Variants in PRKDC observed in about 807,000 individuals in gnomAD.
PRKDC encodes protein kinase, DNA-activated, catalytic subunit.
PRKDC carries 82 observed loss-of-function variants against 486.9 expected under a neutral mutation model. The ratio of observed to expected loss-of-function variants is 0.17; its 90% confidence interval spans 0.14 to 0.20. The LOEUF (loss-of-function observed/expected upper bound fraction) is 0.20. Ranked by LOEUF, PRKDC falls within the 10% of genes least tolerant of loss-of-function variation. The pLI, the probability that PRKDC is intolerant of heterozygous loss-of-function variation, is 1.00. For missense variants in PRKDC, 4,504 were observed against 5,038.2 expected, an observed-to-expected ratio of 0.89 and a Z score of 3.21; for synonymous variants, 1,895 against 1,837.0, an observed-to-expected ratio of 1.03 and a Z score of -0.81.
chr8:47,828,318 A>T lies in PRKDC; in HGVS notation c.8427T>A (p.Phe2809Leu). Reference sequence around the variant, plus strand: ...TCAAAATTCCAGAAAACAAGCTGCTAAAGAGCTGTTTTGCAATTATTGGGT... The same window carrying T: ...TCAAAATTCCAGAAAACAAGCTGCTTAAGAGCTGTTTTGCAATTATTGGGT... ...QRDPIIAKQL[F>L]SSLFSGILKE... The change falls in exon 62 of 86, where the codon TTT (phenylalanine) becomes TTA (leucine). Residue 2809 changes from phenylalanine to leucine, a missense_variant. By Grantham distance (22) the Phe-to-Leu change is conservative. Around this residue, in one of 6 missense-constraint regions of PRKDC, gnomAD observed 1,592 missense variants for 1,724.6 expected, o/e 0.92. Transcript: ENST00000314191. The T allele has an allele frequency of 6.3e-7, 1 of 1,594,496 alleles. No individual in the cohort carries two copies. The highest frequency in any genetic ancestry group is 8.5e-7 in the Non-Finnish European group (1 of 1,170,508).
At chr8:47,892,171 T>C (rs578145036) in intron 31 of PRKDC, among the ~76,000 whole-genome samples, 4 of 152,054 alleles carry the variant, frequency 2.6e-5, no homozygotes, top group African/African-American at 7.2e-5. Flanking sequence ...CGTCCGGCCA[T>C]GAACAAGTTT....
intron 65 of PRKDC, 128 bp downstream of exon 65, chr8:47,821,476 C>T: frequency 3.6e-6 from 3 of 841,514 alleles, no homozygotes; most frequent in Non-Finnish European, 3.8e-6. Context: ...TGTAGGTGGA[C>T]TCAGGTCATG....
At chr8:47,874,359 T>C (rs2089040296) in intron 40 of PRKDC, among the ~76,000 whole-genome samples, 1 of 152,204 alleles carries the variant, frequency 6.6e-6, no homozygotes, top group South Asian at 2.1e-4. Context: ...TTACACATTA[T>C]ACACCTGTAT....
At chr8:47,913,308 T>C (rs1246564523) in intron 24 of PRKDC, among the ~76,000 whole-genome samples, 1 of 152,206 alleles carries the variant, frequency 6.6e-6, no homozygotes, top group Admixed American at 6.5e-5. Flanking sequence ...GTTAAGGGGA[T>C]AACCAAGCAT....
Position 47,806,305 on chromosome 8 carries a change from A to G in PRKDC, c.9747+832T>C, listed in dbSNP as rs1226552317. Reference sequence around the variant, plus strand: ...CCTAACTACACTGGGTCCTCTCCCCATGACCCCAACTCCCTCACCACTAAG... The same window carrying G: ...CCTAACTACACTGGGTCCTCTCCCCGTGACCCCAACTCCCTCACCACTAAG... On this transcript the variant is annotated intron_variant, in intron 69 of 85. Transcript: ENST00000314191. Among the ~76,000 whole-genome samples the G allele has an allele frequency of 4.0e-4, 61 of 152,166 alleles. 1 individual carries two copies.
intron 84 of PRKDC, 96 bp downstream of exon 84, chr8:47,777,590 C>T (rs2154497297): frequency 3.3e-6 from 4 of 1,205,438 alleles, no homozygotes; most frequent in Admixed American, 2.4e-5. Flanking sequence ...TTTTCATCAA[C>T]ATGACTCAAT....
intron 31 of PRKDC, 29 bp downstream of exon 31, chr8:47,893,110 C>G: frequency 6.5e-7 from 1 of 1,543,398 alleles, no homozygotes; most frequent in Non-Finnish European, 8.8e-7. Flanking sequence ...CAGCACGACA[C>G]ACACCAGAAT....
In PRKDC at chr8:47,927,175, C is replaced by A; in HGVS notation, c.2419+19G>T. 5.0e-6 allele frequency: 8 copies of A among 1,608,674 alleles called. No individual in the cohort carries two copies. The highest frequency in any genetic ancestry group is 6.8e-6 in the Non-Finnish European group (8 of 1,175,788). ...TCCATTTTAATTACAATACACATCA[C>A]AATTCTTCTAAACATTACCTGACAA... On this transcript the variant is annotated intron_variant, in intron 21 of 85. Coordinates refer to ENST00000314191, the MANE Select transcript of PRKDC (RefSeq NM_006904.7).
chr8:47,797,539 C>G (rs1237210398), intron 73 of PRKDC, among the ~76,000 whole-genome samples: 2 of 152,158 alleles, frequency 1.3e-5, no homozygotes, highest in Non-Finnish European at 2.9e-5. Context: ...ACCATGTAAC[C>G]CTTTTTGAAC....
intron 68 of PRKDC, among the ~76,000 whole-genome samples, chr8:47,809,503 G>C (rs1174160601): frequency 6.6e-6 from 1 of 152,242 alleles, no homozygotes; most frequent in East Asian, 1.9e-4. Context: ...GAATGAGACA[G>C]ACTTCCTTGG....
chr8:47,913,964 G>C lies in PRKDC; in HGVS notation c.2718C>G (p.Phe906Leu). The C allele has an allele frequency of 6.2e-7, 1 of 1,612,202 alleles. No homozygotes were observed. Among genetic ancestry groups the C allele is most frequent in the Middle Eastern group, 1.7e-4 (1 of 6,060 alleles). ...VPFREMKPVI[F>L]LDVFLPRVTE... is the part of the protein sequence containing the mutation. The stretch of plus-strand genomic sequence containing the variant: ...TGACTCGAGGCAGGAACACATCCAG[G>C]AAAATGACAGGTTTCATCTCTCTAA... The change falls in exon 24 of 86, where the codon TTC becomes TTG. Residue 906 changes from phenylalanine to leucine, a missense_variant. Phe to Leu is a conservative substitution (Grantham distance 22, BLOSUM62 0). Transcript: ENST00000314191.
Position 47,889,242 on chromosome 8 carries a change from A to G in PRKDC, c.4072-20T>C. 1 of 1,570,638 alleles carries G rather than the reference A, an allele frequency of 6.4e-7. No homozygotes were observed. The highest frequency in any genetic ancestry group is 8.6e-7 in the Non-Finnish European group (1 of 1,156,260). On this transcript the variant is annotated intron_variant, in intron 32 of 85. Coordinates refer to ENST00000314191, the MANE Select transcript of PRKDC (RefSeq NM_006904.7). ...CAGGAGCTGTAACAGATTGTTTGAT[A>G]AAAACACTTCGTCAGCCAGCACTTC...
chr8:47,789,216 C>T lies in PRKDC; in HGVS notation c.10693G>A (p.Gly3565Arg), dbSNP rs2086843507. The change falls in exon 75 of 86, where the codon GGA becomes AGA. Residue 3565 changes from glycine (G) to arginine (R), a missense_variant. This residue lies in a region of PRKDC where 706 missense variants were observed against 945.0 expected (regional missense o/e 0.75). Transcript: ENST00000314191. Reference sequence around the variant, plus strand: ...TTAATAAAATCTTGAATCACTCCTCCTTGATCCAACTTACTTTTAATCCTA... The same window carrying T: ...TTAATAAAATCTTGAATCACTCCTCTTTGATCCAACTTACTTTTAATCCTA... ...VARIKSKLDQ[G>R]GVIQDFINAL... The T allele has an allele frequency of 2.5e-6, 4 of 1,592,356 alleles. No individual in the cohort carries two copies. The highest frequency in any genetic ancestry group is 3.4e-6 in the Non-Finnish European group (4 of 1,172,180).
At chr8:47,883,269 A>C (rs755975836) in intron 36 of PRKDC, among the ~76,000 whole-genome samples, 10 of 152,252 alleles carry the variant, frequency 6.6e-5, no homozygotes, top group Non-Finnish European at 1.0e-4. Context: ...ACTGCCGCTG[A>C]GAAGACATAT....
In PRKDC at chr8:47,782,269, A is replaced by G; in HGVS notation, c.11397-15T>C. 1 of 1,612,644 alleles carries G rather than the reference A, an allele frequency of 6.2e-7. No individual in the cohort carries two copies. Among genetic ancestry groups the G allele is most frequent in the Non-Finnish European group, 8.5e-7 (1 of 1,178,634 alleles). On this transcript the variant is annotated splice_polypyrimidine_tract_variant and intron_variant, in intron 79 of 85. Transcript: ENST00000314191. The surrounding 1 kb of genome is among the most constrained non-coding windows in gnomAD (Gnocchi z 4.9). The stretch of plus-strand genomic sequence containing the variant: ...TTAATCCTAACCTGAAAGGGAGAAT[A>G]AAAGGTTAACGAGTAAACCCAAACT...
At chr8:47,810,045 G>A (rs1036576029) in intron 68 of PRKDC, among the ~76,000 whole-genome samples, 1 of 152,190 alleles carries the variant, frequency 6.6e-6, no homozygotes, top group African/African-American at 2.4e-5. Flanking sequence ...GAACCCACCA[G>A]GCTCAGGCTG....
At chr8:47,873,938 G>A (rs1474090236) in intron 40 of PRKDC, among the ~76,000 whole-genome samples, 3 of 151,456 alleles carry the variant, frequency 2.0e-5, no homozygotes, top group African/African-American at 7.3e-5. Flanking sequence ...ATAAGATCTA[G>A]TATTTGATGG....
chr8:47,841,966 CACG>C (rs1306778256), intron 54 of PRKDC, among the ~76,000 whole-genome samples: 2 of 152,216 alleles, frequency 1.3e-5, no homozygotes, highest in Non-Finnish European at 2.9e-5. Context: ...GCTGCACAAC[CACG>C]ACAACATCAC....
At chr8:47,897,468 G>A (rs1387136253) in intron 29 of PRKDC, among the ~76,000 whole-genome samples, 174 bp from the exon 30 acceptor site, 6 of 152,176 alleles carry the variant, frequency 3.9e-5, no homozygotes, top group Admixed American at 2.0e-4. Context: ...AAATAACATA[G>A]GTGAAATGGG....
Sources: allele counts gnomAD v4.1 joint callset (sites outside exome capture counted in the v4.1 genomes callset), GRCh38; gene constraint gnomAD v4.1.1; regional missense constraint gnomAD v4.1.1; non-coding constraint Gnocchi (gnomAD v3.1); transcripts MANE v1.5; gene names NCBI Gene and HGNC (gene_info 2026-07-23, HGNC 2026-07-21).